Variants in ESRRB observed in about 807,000 individuals in gnomAD.
ESRRB encodes steroid hormone receptor ERR2.
Under a neutral mutation model 46.0 loss-of-function variants are expected in ESRRB, and 16 were observed. The observed-to-expected ratio is 0.35, with a 90% CI of 0.24 to 0.53. ESRRB has a LOEUF of 0.53. Ranked by LOEUF, ESRRB falls within the 20% of genes least tolerant of loss-of-function variation. The pLI is 0.93. For missense variants in ESRRB, 488 were observed against 607.4 expected, an observed-to-expected ratio of 0.80 and a Z score of 2.07; for synonymous variants, 246 against 259.6, an observed-to-expected ratio of 0.95 and a Z score of 0.50.
At position 76,333,446 on chromosome 14, in the gene ESRRB, TAAG is replaced by T. The variant is rs1566854137; in HGVS notation, c.2+22531_2+22533del. 1.2e-3 allele frequency among the ~76,000 whole-genome samples: 100 copies of T among 86,414 alleles called. 5 individuals are homozygous for T. The highest frequency in any genetic ancestry group is 1.6e-3 in the Non-Finnish European group (67 of 42,546). The allele number at this position is 86,414 out of a possible 152,430, so 56.7% of individuals were successfully genotyped here. On this transcript the variant is annotated intron_variant, in intron 1 of 6. Transcript: ENST00000512784. The stretch of plus-strand genomic sequence containing the variant: ...CATATATATATTTATATATGATATA[TAAG>T]TATATCATATATAAATATATCATAT...
At chr14:76,442,115 G>A (rs760006505) in intron 2 of ESRRB, among the ~76,000 whole-genome samples, 4 of 152,158 alleles carry the variant, frequency 2.6e-5, no homozygotes, top group African/African-American at 4.8e-5. Context: ...GAGTTCCATC[G>A]TCCCCTTATA....
At chr14:76,393,526 T>G (rs1011711749) in intron 1 of ESRRB, among the ~76,000 whole-genome samples, 2 of 152,220 alleles carry the variant, frequency 1.3e-5, no homozygotes, top group African/African-American at 4.8e-5. Flanking sequence ...TTGCATGAAA[T>G]ACCTTTACTG....
intron 1 of ESRRB, among the ~76,000 whole-genome samples, chr14:76,430,481 G>A (rs1330416258): frequency 6.6e-6 from 1 of 152,114 alleles, no homozygotes; most frequent in African/African-American, 2.4e-5. Flanking sequence ...GGGGGCCTTG[G>A]ATGAGGGAAG....
chr14:76,390,714 T>C (rs1013728515), intron 1 of ESRRB, among the ~76,000 whole-genome samples: 1 of 152,194 alleles, frequency 6.6e-6, no homozygotes, highest in Non-Finnish European at 1.5e-5. Context: ...ACAGGACCCC[T>C]GTGCGTAGGG....
chr14:76,378,315 T>C (rs1471936207), intron 1 of ESRRB, among the ~76,000 whole-genome samples: 3 of 152,098 alleles, frequency 2.0e-5, no homozygotes, highest in East Asian at 3.9e-4. Flanking sequence ...AGCTGGGTAA[T>C]TCATCGAGTT....
chr14:76,479,099 G>A (rs1299012658), intron 3 of ESRRB, among the ~76,000 whole-genome samples: 1 of 152,186 alleles, frequency 6.6e-6, no homozygotes, highest in Non-Finnish European at 1.5e-5. Context: ...GGCCAGGCCT[G>A]AGATTTTGAG....
intron 1 of ESRRB, among the ~76,000 whole-genome samples, chr14:76,379,936 A>T (rs1884941945): frequency 6.6e-6 from 1 of 150,848 alleles, no homozygotes. Flanking sequence ...GATTTGGAGT[A>T]ATCAATAAAT....
chr14:76,482,513 C>A lies in ESRRB; in HGVS notation c.689-85C>A. 6.8e-7 allele frequency: 1 copy of A among 1,469,746 alleles called. No individual in the cohort carries two copies. Among genetic ancestry groups the A allele is most frequent in the Non-Finnish European group, 9.5e-7 (1 of 1,053,466 alleles). 91.0% of individuals were successfully genotyped at this position (1,469,746 alleles called of 1,614,324 possible). On this transcript the variant is annotated intron_variant, in intron 4 of 6. Coordinates refer to ENST00000644823, the MANE Select transcript of ESRRB (RefSeq NM_001379180.1). This position sits in a 1 kb window ranked among gnomAD's most constrained non-coding sequence, Gnocchi z 4.3. ...CTTCCTGGAGCTCTTAGGAACCCAACTTTGCTTCCTGACCCATCTGAGCCT... is the reference window on the plus strand; with the variant it reads ...CTTCCTGGAGCTCTTAGGAACCCAAATTTGCTTCCTGACCCATCTGAGCCT...
rs140178823 is a variant in ESRRB at position 76,450,636 on chromosome 14, T to G, written c.460+10886T>G. Among the ~76,000 whole-genome samples, 186 of 152,072 alleles carry G rather than the reference T, an allele frequency of 1.2e-3. No homozygotes were observed. The Middle Eastern group carries it at 0.017, about 14-fold the overall frequency. ...CCCAGATGCAGGCTTGGAAGAAAACTCCCCTAGGAGAGGGGAAGGGGGATG... is the reference window on the plus strand; with the variant it reads ...CCCAGATGCAGGCTTGGAAGAAAACGCCCCTAGGAGAGGGGAAGGGGGATG... On this transcript the variant is annotated intron_variant, in intron 2 of 6. Transcript: ENST00000644823.
intron 1 of ESRRB, among the ~76,000 whole-genome samples, chr14:76,354,096 G>A (rs1035188426): frequency 1.6e-4 from 24 of 152,122 alleles, no homozygotes; most frequent in African/African-American, 5.3e-4. Context: ...TGTGTGGCTG[G>A]TCCTGCTCCC....
chr14:76,355,167 C>T lies in ESRRB; in HGVS notation c.2+44251C>T, dbSNP rs78327932. Among the ~76,000 whole-genome samples, 522 of 152,286 alleles carry T rather than the reference C, an allele frequency of 3.4e-3. 1 individual carries two copies. Among genetic ancestry groups the T allele is most frequent in the African/African-American group, 0.012 (480 of 41,568 alleles). On this transcript the variant is annotated intron_variant, in intron 1 of 6. Transcript: ENST00000512784. ...GGCAGCCTTCCTTGCAGTCTGAAGC[C>T]GGGGCCAGGTGGCCAGAGGCGGTAG...
intron 1 of ESRRB, among the ~76,000 whole-genome samples, chr14:76,395,981 T>C (rs1885661962): frequency 6.6e-6 from 1 of 152,002 alleles, no homozygotes; most frequent in Non-Finnish European, 1.5e-5. Flanking sequence ...GATACAATTC[T>C]GGCCAACATG....
At chr14:76,378,612 C>T (rs1884879761) in intron 1 of ESRRB, among the ~76,000 whole-genome samples, 1 of 152,128 alleles carries the variant, frequency 6.6e-6, no homozygotes, top group Non-Finnish European at 1.5e-5. Context: ...TCTCAAAGCC[C>T]AGGACCCACT....
At chr14:76,311,629 G>T (rs1193813823) in intron 1 of ESRRB, among the ~76,000 whole-genome samples, 1 of 152,222 alleles carries the variant, frequency 6.6e-6, no homozygotes, top group Admixed American at 6.5e-5. Context: ...CTTGGCTGGG[G>T]ACTGGGAGGA....
intron 2 of ESRRB, among the ~76,000 whole-genome samples, chr14:76,440,680 CCTTT>C (rs1289543965): frequency 6.6e-6 from 1 of 151,446 alleles, no homozygotes; most frequent in African/African-American, 2.4e-5. Context: ...TTCCTTCCTT[CCTTT>C]CTCTCTCTCA....
chr14:76,373,683 G>T (rs1311489788), upstream of ESRRB, among the ~76,000 whole-genome samples: 1 of 152,210 alleles, frequency 6.6e-6, no homozygotes, highest in Non-Finnish European at 1.5e-5. Flanking sequence ...AAATGAGAAA[G>T]AACTTGGCCC....
At position 76,482,182 on chromosome 14, in the gene ESRRB, G is replaced by T; in HGVS notation, c.688+56G>T. On this transcript the variant is annotated intron_variant, in intron 4 of 6. Transcript: ENST00000644823. The surrounding 1 kb of genome is among the most constrained non-coding windows in gnomAD (Gnocchi z 4.3). ...GCCAGCATCTGTACCTGGAACATCA[G>T]GCATCCCTTAGGGAAACATCATCTT... The T allele has an allele frequency of 7.6e-7, 1 of 1,313,402 alleles. No individual in the cohort carries two copies. The allele number at this position is 1,313,402 out of a possible 1,614,324, so 81.4% of individuals were successfully genotyped here.
At chr14:76,458,402 C>A (rs868535813) in intron 2 of ESRRB, among the ~76,000 whole-genome samples, 2 of 150,980 alleles carry the variant, frequency 1.3e-5, no homozygotes, top group African/African-American at 4.9e-5. Flanking sequence ...CCAAAATAAA[C>A]AAATAATTAG....
chr14:76,435,708 G>A (rs138208230), intron 1 of ESRRB, among the ~76,000 whole-genome samples: 1,575 of 152,346 alleles, frequency 0.01, 15 homozygotes, highest in Non-Finnish European at 0.015. Context: ...GCGGGAGCCT[G>A]TAATTCCAGC....
Sources: allele counts gnomAD v4.1 joint callset (sites outside exome capture counted in the v4.1 genomes callset), GRCh38; gene constraint gnomAD v4.1.1; non-coding constraint Gnocchi (gnomAD v3.1); transcripts MANE v1.5; gene names NCBI Gene and HGNC (gene_info 2026-07-23, HGNC 2026-07-21).